Variants in FRMPD1 observed in about 807,000 individuals in gnomAD.
The protein encoded by FRMPD1 is FERM and PDZ domain-containing protein 1.
A neutral mutation model predicts 117.8 loss-of-function variants in FRMPD1; 76 were observed. The observed-to-expected ratio is 0.65, with a 90% CI of 0.54 to 0.78. The LOEUF (loss-of-function observed/expected upper bound fraction) is 0.78. FRMPD1 is among the 30% of genes least tolerant of loss of function. The pLI is 0.00. For synonymous variants in FRMPD1, 783 were observed against 770.4 expected, an observed-to-expected ratio of 1.02 and a Z score of -0.27; for missense variants, 1,786 against 1,964.5, an observed-to-expected ratio of 0.91 and a Z score of 1.72.
chr9:37,711,435 T>G (rs1360016064), intron 5 of FRMPD1, 40 bp downstream of exon 5: 1 of 1,482,104 alleles, frequency 6.7e-7, no homozygotes, highest in Admixed American at 1.7e-5. Context: ...GTTTCACCAT[T>G]CTTGGCCCTA....
intron 1 of FRMPD1, among the ~76,000 whole-genome samples, chr9:37,662,413 C>G (rs958380845): frequency 6.6e-6 from 1 of 152,170 alleles, no homozygotes; most frequent in African/African-American, 2.4e-5. Context: ...AAGTGATGTT[C>G]TAGGCCCCAG....
intron 5 of FRMPD1, among the ~76,000 whole-genome samples, chr9:37,714,107 C>T (rs919072344): frequency 2.0e-5 from 3 of 152,090 alleles, no homozygotes; most frequent in African/African-American, 7.2e-5. Context: ...TTTTAGGTAT[C>T]GATAAATGGA....
chr9:37,617,503 T>C, the FRMPD1 span, among the ~76,000 whole-genome samples: 3 of 152,250 alleles, frequency 2.0e-5, no homozygotes, highest in East Asian at 5.8e-4. Flanking sequence ...GGATTAAATA[T>C]GCTAATGTAG....
Position 37,664,582 on chromosome 9 carries a change from G to C in FRMPD1, c.-5+13488G>C, listed in dbSNP as rs138567379. Among the ~76,000 whole-genome samples the C allele has an allele frequency of 4.2e-3, 637 of 151,990 alleles. 4 individuals carry two copies. The highest frequency in any genetic ancestry group is 0.015 in the African/African-American group (601 of 41,424). The stretch of plus-strand genomic sequence containing the variant: ...GAGAACATGCGGTGTTTGGTTTTCT[G>C]TTCCTGTGTTAGTTTGCTGAGGATG... On this transcript the variant is annotated intron_variant, in intron 1 of 15. Coordinates refer to ENST00000377765, the MANE Select transcript of FRMPD1 (RefSeq NM_014907.3).
chr9:37,620,824 C>T, the FRMPD1 span, among the ~76,000 whole-genome samples: 1 of 152,000 alleles, frequency 6.6e-6, no homozygotes, highest in Admixed American at 6.5e-5. Flanking sequence ...AAAGCACCTT[C>T]TTTACTATAA....
the FRMPD1 span, among the ~76,000 whole-genome samples, chr9:37,624,454 T>TATGTCTCCAAGACA: frequency 6.6e-6 from 1 of 152,208 alleles, no homozygotes; most frequent in East Asian, 1.9e-4. Context: ...ATTCTTGCTT[T>TATGTCTCCAAGACA]TATATTTCAT....
chr9:37,672,825 C>T (rs1821400113), intron 1 of FRMPD1, among the ~76,000 whole-genome samples: 1 of 152,188 alleles, frequency 6.6e-6, no homozygotes, highest in African/African-American at 2.4e-5. Flanking sequence ...ATAAACCCAT[C>T]AGATCTCATG....
At chr9:37,717,638 C>T (rs908660170) in intron 5 of FRMPD1, among the ~76,000 whole-genome samples, 1 of 152,100 alleles carries the variant, frequency 6.6e-6, no homozygotes, top group African/African-American at 2.4e-5. Flanking sequence ...CCTCAGCCTC[C>T]CAAAGCGCTG....
chr9:37,675,870 C>A (rs7023832), intron 1 of FRMPD1, among the ~76,000 whole-genome samples: 2 of 152,054 alleles, frequency 1.3e-5, no homozygotes, highest in East Asian at 3.9e-4. Flanking sequence ...TGCTGCTGCT[C>A]GAACTGGTGT....
chr9:37,664,305 GTATT>G (rs3075982), intron 1 of FRMPD1, among the ~76,000 whole-genome samples: 1 of 149,420 alleles, frequency 6.7e-6, no homozygotes, highest in Non-Finnish European at 1.5e-5. Context: ...ATGTATGTAT[GTATT>G]TATTTATTTA....
chr9:37,656,344 T>C (rs1259044583), intron 1 of FRMPD1, among the ~76,000 whole-genome samples: 1 of 152,240 alleles, frequency 6.6e-6, no homozygotes, highest in Non-Finnish European at 1.5e-5. Flanking sequence ...ATGCAACCTC[T>C]AAGATGAGTC....
chr9:37,695,798 C>G (rs1017331522), intron 2 of FRMPD1, among the ~76,000 whole-genome samples: 4 of 152,126 alleles, frequency 2.6e-5, no homozygotes, highest in African/African-American at 9.7e-5. Flanking sequence ...TCCCTGGGAC[C>G]CCCGCAAGGA....
intron 15 of FRMPD1, among the ~76,000 whole-genome samples, chr9:37,742,465 G>A (rs1215900270): frequency 1.3e-5 from 2 of 152,206 alleles, no homozygotes; most frequent in African/African-American, 2.4e-5. Context: ...TCCTCAGCCT[G>A]GGTTCTGATT....
chr9:37,696,121 A>C (rs1432326129), intron 2 of FRMPD1, among the ~76,000 whole-genome samples: 1 of 122,914 alleles, frequency 8.1e-6, no homozygotes, highest in Non-Finnish European at 1.6e-5. Flanking sequence ...GGGATTTTGC[A>C]CTTGCTGTTC....
the FRMPD1 span, among the ~76,000 whole-genome samples, chr9:37,638,034 C>CTTTCTTTCTTTCTTTCTTTCTTTCTTTCT: frequency 1.1e-4 from 7 of 63,972 alleles, no homozygotes; most frequent in African/African-American, 3.7e-4. Context: ...CTCTCTCTTT[C>CTTTCTTTCTTTCTTTCTTTCTTTCTTTCT]TTCCTTTCTT....
upstream of FRMPD1, among the ~76,000 whole-genome samples, chr9:37,650,310 C>G (rs1035826439): frequency 2.6e-5 from 4 of 152,068 alleles, no homozygotes; most frequent in East Asian, 1.9e-4. Flanking sequence ...GTGCAGAGTC[C>G]CAGGGCGCTC....
chr9:37,721,982 A>T (rs978724666), intron 6 of FRMPD1, among the ~76,000 whole-genome samples: 2 of 152,246 alleles, frequency 1.3e-5, no homozygotes, highest in Non-Finnish European at 2.9e-5. Flanking sequence ...GGTGGTAGTT[A>T]TGTAATGTTG....
At chr9:37,673,109 T>C (rs1468898847) in intron 1 of FRMPD1, among the ~76,000 whole-genome samples, 2 of 152,164 alleles carry the variant, frequency 1.3e-5, no homozygotes, top group African/African-American at 4.8e-5. Context: ...CAAAGTCTCA[T>C]CTGAGACAAG....
At chr9:37,649,229 T>A (rs1400813792), upstream of FRMPD1, among the ~76,000 whole-genome samples, 4 of 152,250 alleles carry the variant, frequency 2.6e-5, no homozygotes, top group African/African-American at 9.6e-5. Flanking sequence ...AATCTTTATC[T>A]ACAAAATAAT....
Sources: allele counts gnomAD v4.1 joint callset (sites outside exome capture counted in the v4.1 genomes callset), GRCh38; gene constraint gnomAD v4.1.1; transcripts MANE v1.5; gene names NCBI Gene and HGNC (gene_info 2026-07-23, HGNC 2026-07-21).